Variants in RAD51B observed in about 807,000 individuals in gnomAD.
RAD51B encodes DNA repair protein RAD51 homolog 2.
In RAD51B, 38 loss-of-function variants were observed where a neutral mutation model predicts 42.2. The observed-to-expected ratio is 0.90, with a 90% CI of 0.70 to 1.18. RAD51B has a LOEUF of 1.18. RAD51B is among the 50% of genes most tolerant of loss of function. The probability of loss-of-function intolerance (pLI) is 0.00; values close to 1 mark genes in which losing one functional copy is unlikely to be tolerated. For missense variants in RAD51B, 373 were observed against 400.7 expected (o/e 0.93, Z 0.59); for synonymous variants, 154 against 145.2 (o/e 1.06, Z -0.43).
At chr14:68,569,943 G>C (rs1204160156) in intron 10 of RAD51B, among the ~76,000 whole-genome samples, 1 of 152,250 alleles carries the variant, frequency 6.6e-6, no homozygotes, top group African/African-American at 2.4e-5. Context: ...GGCTACTGGA[G>C]GGCATGGTTG....
At chr14:67,845,201 G>A (rs1289320524) in intron 4 of RAD51B, among the ~76,000 whole-genome samples, 1 of 152,196 alleles carries the variant, frequency 6.6e-6, no homozygotes. Flanking sequence ...AGTGGCAATG[G>A]TCTATGTACT....
chr14:68,039,550 G>A (rs769103059), intron 7 of RAD51B, among the ~76,000 whole-genome samples: 3 of 152,060 alleles, frequency 2.0e-5, no homozygotes, highest in Non-Finnish European at 4.4e-5. Context: ...ATTCATTGGA[G>A]AAGTGGTTCA....
chr14:68,546,511 T>A (rs1283656804), intron 10 of RAD51B, among the ~76,000 whole-genome samples: 1 of 152,184 alleles, frequency 6.6e-6, no homozygotes, highest in Non-Finnish European at 1.5e-5. Context: ...CATAGAATGT[T>A]CCACTAGAGA....
intron 7 of RAD51B, among the ~76,000 whole-genome samples, chr14:67,978,004 C>T (rs1215277263): frequency 6.6e-6 from 1 of 152,028 alleles, no homozygotes; most frequent in Non-Finnish European, 1.5e-5. Context: ...TTATTTTCCC[C>T]CTAAAGCCAT....
rs192022974 is a variant in RAD51B at position 68,099,008 on chromosome 14, C to T, written c.757-192876C>T. Among the ~76,000 whole-genome samples, 204 of 152,290 alleles carry T rather than the reference C, an allele frequency of 1.3e-3. 1 individual carries two copies. The highest frequency in any genetic ancestry group is 2.4e-3 in the Non-Finnish European group (165 of 68,020). On this transcript the variant is annotated intron_variant, in intron 7 of 10. Coordinates refer to ENST00000471583, the MANE Select transcript of RAD51B (RefSeq NM_133510.4). ...AGCAATGGAGAAGGTTGTTAAACAT[C>T]AGCATTGTTTATTATTTAACCATGC...
chr14:68,656,168 T>G (rs1040672571), intron 11 of RAD51B, among the ~76,000 whole-genome samples: 1 of 152,150 alleles, frequency 6.6e-6, no homozygotes, highest in Non-Finnish European at 1.5e-5. Context: ...AAAACCAGAT[T>G]TGAGCACTGT....
intron 8 of RAD51B, among the ~76,000 whole-genome samples, chr14:68,395,262 C>A (rs1183811608): frequency 2.0e-5 from 3 of 152,114 alleles, no homozygotes; most frequent in African/African-American, 7.2e-5. Context: ...TAAGATTTGC[C>A]CTTCCTCCAT....
At chr14:68,493,566 C>T (rs1380581725) in intron 10 of RAD51B, among the ~76,000 whole-genome samples, 2 of 152,234 alleles carry the variant, frequency 1.3e-5, no homozygotes, top group African/African-American at 2.4e-5. Flanking sequence ...CCACGATTAG[C>T]TCGGATTTTA....
chr14:68,393,530 A>G (rs1231959416), intron 8 of RAD51B, among the ~76,000 whole-genome samples: 1 of 152,192 alleles, frequency 6.6e-6, no homozygotes, highest in Non-Finnish European at 1.5e-5. Context: ...GCTGCTGTTT[A>G]TAAGGTTGAT....
intron 8 of RAD51B, chr14:68,339,231 TG>T: frequency 8.7e-7 from 1 of 1,151,346 alleles, no homozygotes; most frequent in Non-Finnish European, 1.3e-6. Flanking sequence ...CCTGTACTTG[TG>T]GGCCAGCTTA....
chr14:68,679,354 T>G (rs1195312876), intron 11 of RAD51B, among the ~76,000 whole-genome samples: 1 of 152,250 alleles, frequency 6.6e-6, no homozygotes, highest in Non-Finnish European at 1.5e-5. Flanking sequence ...GGTTGAGTTT[T>G]TAACCAAAGT....
intron 7 of RAD51B, among the ~76,000 whole-genome samples, chr14:67,954,655 C>G (rs554749446): frequency 7.2e-5 from 11 of 152,292 alleles, no homozygotes; most frequent in African/African-American, 2.6e-4. Flanking sequence ...AATAAACTTT[C>G]CAACACAGAC....
At chr14:68,440,344 G>A (rs1489389691) in intron 9 of RAD51B, among the ~76,000 whole-genome samples, 1 of 152,200 alleles carries the variant, frequency 6.6e-6, no homozygotes, top group East Asian at 1.9e-4. Flanking sequence ...TCTGTTGAGG[G>A]ATGAAGATTA....
At chr14:68,205,822 C>T (rs747059925) in intron 7 of RAD51B, among the ~76,000 whole-genome samples, 4 of 151,994 alleles carry the variant, frequency 2.6e-5, no homozygotes, top group Non-Finnish European at 5.9e-5. Flanking sequence ...TGATTCTATA[C>T]CCCCAAATAC....
At chr14:68,089,720 A>G (rs899585139) in intron 7 of RAD51B, among the ~76,000 whole-genome samples, 1 of 152,140 alleles carries the variant, frequency 6.6e-6, no homozygotes, top group African/African-American at 2.4e-5. Flanking sequence ...TGGTAGCCTC[A>G]GTGTCAGGTA....
At chr14:68,580,055 G>A (rs1174252479) in intron 10 of RAD51B, among the ~76,000 whole-genome samples, 1 of 152,232 alleles carries the variant, frequency 6.6e-6, no homozygotes, top group Non-Finnish European at 1.5e-5. Context: ...GACTTTGAAA[G>A]GTGCTGCCTA....
At chr14:68,669,959 G>C (rs1463857721) in intron 11 of RAD51B, among the ~76,000 whole-genome samples, 1 of 152,104 alleles carries the variant, frequency 6.6e-6, no homozygotes, top group East Asian at 1.9e-4. Context: ...GGTGGGACCA[G>C]GCCCTGGTGG....
intron 7 of RAD51B, among the ~76,000 whole-genome samples, chr14:67,976,014 C>T (rs1365315656): frequency 6.6e-6 from 1 of 151,904 alleles, no homozygotes; most frequent in East Asian, 1.9e-4. Flanking sequence ...TTGTTCTCCA[C>T]TCAAATTCTT....
intron 7 of RAD51B, among the ~76,000 whole-genome samples, chr14:67,913,459 A>G (rs1055542093): frequency 6.6e-6 from 1 of 152,164 alleles, no homozygotes; most frequent in Non-Finnish European, 1.5e-5. Flanking sequence ...CTAAGATGTC[A>G]TTTACTTTTT....
Sources: gnomAD v4.1 joint callset for allele counts (sites outside exome capture counted in the v4.1 genomes callset) on GRCh38, gnomAD v4.1.1 for gene constraint, MANE v1.5 for transcripts, NCBI Gene and HGNC (gene_info 2026-07-23, HGNC 2026-07-21) for gene names.